Variants in DIXDC1 observed in about 807,000 individuals in gnomAD.
The protein encoded by DIXDC1 is DIX domain containing 1.
Under a neutral mutation model 103.1 loss-of-function variants are expected in DIXDC1, and 64 were observed. That is an observed-to-expected ratio of 0.62 (90% CI 0.51 to 0.76). The LOEUF (loss-of-function observed/expected upper bound fraction) is 0.76. Ranked by LOEUF, DIXDC1 falls within the 30% of genes least tolerant of loss-of-function variation. The pLI, the probability that DIXDC1 is intolerant of heterozygous loss-of-function variation, is 0.00. For synonymous variants in DIXDC1, 266 were observed against 298.5 expected (o/e 0.89, Z 1.12); for missense variants, 759 against 834.2 (o/e 0.91, Z 1.11).
chr11:111,941,362 G>A (rs77217361), intron 1 of DIXDC1, among the ~76,000 whole-genome samples: 1,666 of 152,216 alleles, frequency 0.011, 34 homozygotes, highest in African/African-American at 0.038. Context: ...AAAGTTGGGG[G>A]AATGGTTTAT....
chr11:112,013,775 TAGTC>T (rs1489473407), intron 17 of DIXDC1, among the ~76,000 whole-genome samples: 7 of 152,302 alleles, frequency 4.6e-5, no homozygotes, highest in Admixed American at 3.9e-4. Flanking sequence ...CAGGATGTCT[TAGTC>T]AGTTGAGTGT....
chr11:111,943,366 G>A (rs1009798790), intron 1 of DIXDC1, among the ~76,000 whole-genome samples: 2 of 151,756 alleles, frequency 1.3e-5, no homozygotes, highest in Admixed American at 1.3e-4. Context: ...CTGGTCTCGA[G>A]CTCCTGACCT....
At chr11:112,005,454 G>T in intron 17 of DIXDC1, among the ~76,000 whole-genome samples, 1 of 152,102 alleles carries the variant, frequency 6.6e-6, no homozygotes, top group Non-Finnish European at 1.5e-5. Context: ...CCAGCATTTT[G>T]GGAGGCTGAG....
Position 111,937,351 on chromosome 11 carries a change from T to A in DIXDC1, c.-149T>A. On this transcript the variant is annotated 5_prime_UTR_variant, in exon 1 of 20. Coordinates refer to ENST00000440460, the MANE Select transcript of DIXDC1 (RefSeq NM_001037954.4). ...GCCCAGTGCAAGCCGCTAGTTTGGC[T>A]CCAGTCTAGGTTTCCAGTAAGTGGC... is the stretch of plus-strand genomic sequence containing the variant. The A allele has an allele frequency of 7.0e-7, 1 of 1,427,382 alleles. No homozygotes were observed. The highest frequency in any genetic ancestry group is 9.2e-7 in the Non-Finnish European group (1 of 1,092,134). 88.4% of individuals were successfully genotyped at this position (1,427,382 alleles called of 1,614,324 possible).
chr11:111,995,058 T>A lies in DIXDC1; in HGVS notation c.1477T>A (p.Phe493Ile). 1 of 1,613,712 alleles carries A rather than the reference T, an allele frequency of 6.2e-7. No homozygotes were observed. The change falls in exon 15 of 20, where the codon TTT becomes ATT. Residue 493 changes from phenylalanine to isoleucine, a missense_variant. Physicochemically the swap from Phe to Ile is conservative, Grantham distance 21. This residue lies in a region of DIXDC1 where 657 missense variants were observed against 727.5 expected (regional missense o/e 0.90). Coordinates refer to ENST00000440460, the MANE Select transcript of DIXDC1 (RefSeq NM_001037954.4). ...CAGTCACAACTCTCAAAGCAATGGT[T>A]TTCTCCTTCCAACGGCAGGAAAAGG... ...YNSHNSQSNG[F>I]LLPTAGKGAT... is the part of the protein sequence containing the mutation.
chr11:111,980,772 G>A lies in DIXDC1; in HGVS notation c.692G>A (p.Ser231Asn). ...TSPSPIHSAK[S>N]ESIITQSEEK... ...CCCAGTCCAATCCACAGTGCAAAGAGCGAGTCCATTATAACCCAGTCAGAA... is the reference window on the plus strand; with the variant it reads ...CCCAGTCCAATCCACAGTGCAAAGAACGAGTCCATTATAACCCAGTCAGAA... Residue 231 changes from serine to asparagine, a missense_variant, in exon 6 of 20, where the codon AGC becomes AAC. Ser to Asn is a conservative substitution (Grantham distance 46). Transcript: ENST00000440460. 1 of 1,613,940 alleles carries A rather than the reference G, an allele frequency of 6.2e-7. No homozygotes were observed. The highest frequency in any genetic ancestry group is 8.5e-7 in the Non-Finnish European group (1 of 1,179,882).
Position 111,931,516 on chromosome 11 carries a change from G to T in DIXDC1, c.57+1606G>T, listed in dbSNP as rs188974547. Among the ~76,000 whole-genome samples, 4 of 152,190 alleles carry T rather than the reference G, an allele frequency of 2.6e-5. No individual in the cohort carries two copies. The East Asian group carries it at 7.7e-4, about 29-fold the overall frequency. ...AAATTAGCTGGACGTGGTGGCGGAC[G>T]CCTGTAATCCCAGCTGCTCGAGAGG... On this transcript the variant is annotated intron_variant, in intron 2 of 5. Coordinates refer to the DIXDC1 transcript ENST00000529225.
rs1566522960 is a variant in DIXDC1 at position 111,980,625 on chromosome 11, G to C, written c.657-112G>C. Reference sequence around the variant, plus strand: ...TGGGCCAAGTACTGTGTTACCCATGGAGGAGTAAGATGAATAAGAACATGT... The same window carrying C: ...TGGGCCAAGTACTGTGTTACCCATGCAGGAGTAAGATGAATAAGAACATGT... On this transcript the variant is annotated intron_variant, in intron 5 of 19. Transcript: ENST00000440460. The C allele has an allele frequency of 5.4e-6, 4 of 734,206 alleles. No homozygotes were observed. In the East Asian group the frequency reaches 8.2e-5, roughly 15 times the overall value. 45.5% of individuals were successfully genotyped at this position (734,206 alleles called of 1,614,324 possible). A position where few individuals can be genotyped will look rare whatever the true frequency, so the allele number is the denominator to read the frequency against.
intron 17 of DIXDC1, among the ~76,000 whole-genome samples, chr11:112,002,933 G>A (rs1861114075): frequency 6.6e-6 from 1 of 152,152 alleles, no homozygotes; most frequent in South Asian, 2.1e-4. Context: ...CCTTTCTTTT[G>A]CAGCAACATG....
intron 17 of DIXDC1, among the ~76,000 whole-genome samples, chr11:112,005,513 T>C (rs1289890352): frequency 6.6e-6 from 1 of 151,992 alleles, no homozygotes; most frequent in African/African-American, 2.4e-5. Context: ...CTGGGCAACA[T>C]GGTGAGACCC....
rs1329050581 is a variant in DIXDC1, at chr11:111,977,266, G to T, written c.656+2283G>T. 1.0e-6 allele frequency: 1 copy of T among 1,002,844 alleles called. No homozygotes were observed. Among genetic ancestry groups the T allele is most frequent in the Non-Finnish European group, 1.2e-6 (1 of 841,776 alleles). The allele number at this position is 1,002,844 out of a possible 1,614,324, so 62.1% of individuals were successfully genotyped here. ...GGTCGGAGCCCGGCTGCCTCGCCGC[G>T]TGTGACAGCCCAGGGAGGGAGCAGA... On this transcript the variant is annotated intron_variant, in intron 5 of 19. Coordinates refer to ENST00000440460, the MANE Select transcript of DIXDC1 (RefSeq NM_001037954.4). The surrounding 1 kb of genome is among the most constrained non-coding windows in gnomAD (Gnocchi z 6.1).
chr11:111,952,768 C>T (rs931876411), intron 1 of DIXDC1, among the ~76,000 whole-genome samples: 4 of 149,322 alleles, frequency 2.7e-5, no homozygotes, highest in African/African-American at 7.4e-5. Flanking sequence ...TGCAATGAGC[C>T]GAGATCACAC....
At chr11:111,933,315 A>C (rs143098130), upstream of DIXDC1, among the ~76,000 whole-genome samples, 1,408 of 152,194 alleles carry the variant, frequency 9.3e-3, 20 homozygotes, top group Non-Finnish European at 0.014. Context: ...TTTAGTAGGG[A>C]GGGGGTTTCT....
At chr11:111,975,754 T>A in intron 5 of DIXDC1, 1 of 985,438 alleles carries the variant, frequency 1.0e-6, no homozygotes. Flanking sequence ...GGCTAATTGT[T>A]CCTTGTCTTG....
Position 111,964,581 on chromosome 11 carries a change from T to C in DIXDC1, c.93T>C (p.Asn31=), listed in dbSNP as rs2137508374. Reference sequence around the variant, plus strand: ...TGCAGGCCTATGTGGCCTGGGTGAATGCACAGCTGAAGAAGAGGCCAGCAG... The same window carrying C: ...TGCAGGCCTATGTGGCCTGGGTGAACGCACAGCTGAAGAAGAGGCCAGCAG... ...QQLQAYVAWV[N]AQLKKRPAVK... is the part of the protein sequence containing the mutation. The change falls in exon 2 of 20, where the codon AAT becomes AAC. Residue 31 remains asparagine (N), a synonymous_variant. Coordinates refer to ENST00000440460, the MANE Select transcript of DIXDC1 (RefSeq NM_001037954.4). 13 of 1,609,090 alleles carry C rather than the reference T, an allele frequency of 8.1e-6. No homozygotes were observed. Among genetic ancestry groups the C allele is most frequent in the Non-Finnish European group, 1.1e-5 (13 of 1,177,622 alleles).
Position 111,974,169 on chromosome 11 carries a change from G to A in DIXDC1, c.463G>A (p.Val155Ile). ...TCACCGACCACACTGTGCCACTGCT[G>A]TTGCCCAGGGAGCAGCTGCTGCTCT... Reference protein sequence around the residue: ...QSHRPHCATAVAQGAAAALAD... With the variant: ...QSHRPHCATAIAQGAAAALAD... The change falls in exon 4 of 20, where the codon GTT becomes ATT. Residue 155 changes from valine (V) to isoleucine (I), a missense_variant. Physicochemically the swap from Val to Ile is conservative, Grantham distance 29. Transcript: ENST00000440460. 1.2e-6 allele frequency: 2 copies of A among 1,614,054 alleles called. No individual in the cohort carries two copies. Among genetic ancestry groups the A allele is most frequent in the Non-Finnish European group, 1.7e-6 (2 of 1,179,902 alleles).
At chr11:111,951,399 T>C (rs969907252) in intron 1 of DIXDC1, among the ~76,000 whole-genome samples, 13 of 152,110 alleles carry the variant, frequency 8.5e-5, no homozygotes, top group Non-Finnish European at 1.5e-4. Context: ...CCCATAAATA[T>C]GTACACCTAC....
At chr11:111,970,082 G>A (rs1859863889) in intron 3 of DIXDC1, among the ~76,000 whole-genome samples, 1 of 152,130 alleles carries the variant, frequency 6.6e-6, no homozygotes, top group Non-Finnish European at 1.5e-5. Flanking sequence ...TTGAGATAGA[G>A]TTTTGCTTTG....
At chr11:111,929,766 T>A in intron 1 of DIXDC1, 4 of 1,281,824 alleles carry the variant, frequency 3.1e-6, no homozygotes, top group Non-Finnish European at 4.3e-6. Context: ...AGCTTTAAAT[T>A]TTTTTTTTCC....
Sources: gnomAD v4.1 joint callset for allele counts (sites outside exome capture counted in the v4.1 genomes callset) on GRCh38, gnomAD v4.1.1 for gene constraint, gnomAD v4.1.1 regional missense constraint, Gnocchi (gnomAD v3.1) non-coding constraint, MANE v1.5 for transcripts, NCBI Gene and HGNC (gene_info 2026-07-23, HGNC 2026-07-21) for gene names.